Variants in UBR3 observed in about 807,000 individuals in gnomAD.
UBR3 encodes the protein ubiquitin protein ligase E3 component n-recognin 3.
UBR3 carries 85 observed loss-of-function variants against 243.2 expected under a neutral mutation model. The observed-to-expected ratio is 0.35, with a 90% CI of 0.29 to 0.42. UBR3 has a LOEUF of 0.42. Ranked by LOEUF, UBR3 falls within the 10% of genes least tolerant of loss-of-function variation. UBR3 has a pLI of 1.00. For synonymous variants in UBR3, 748 were observed against 799.8 expected (o/e 0.94, Z 1.09); for missense variants, 1,686 against 2,300.8 (o/e 0.73, Z 5.47).
chr2:169,913,359 T>TG (rs1290270455), intron 10 of UBR3, among the ~76,000 whole-genome samples: 1 of 113,138 alleles, frequency 8.8e-6, no homozygotes, highest in Non-Finnish European at 2.3e-5. Flanking sequence ...GTTTGTTTTT[T>TG]GTTTTTTTTT....
rs535929297 is a variant in UBR3 at position 169,948,561 on chromosome 2, C to T, written c.3084+846C>T. On this transcript the variant is annotated intron_variant, in intron 22 of 38. Transcript: ENST00000272793. Reference sequence around the variant, plus strand: ...TTTTCGTGAGTAGAGAACATTGAATCAGACATTTCTTCTAGTAGAGTCTAT... The same window carrying T: ...TTTTCGTGAGTAGAGAACATTGAATTAGACATTTCTTCTAGTAGAGTCTAT... Among the ~76,000 whole-genome samples, 7 of 152,138 alleles carry T rather than the reference C, an allele frequency of 4.6e-5. No homozygotes were observed. In the East Asian group the frequency reaches 1.4e-3, roughly 29 times the overall value.
At chr2:169,961,874 G>GT (rs34504571) in intron 24 of UBR3, among the ~76,000 whole-genome samples, 15,463 of 136,728 alleles carry the variant, frequency 0.11, 1,163 homozygotes, top group Admixed American at 0.17. Context: ...TTTTTCCCAT[G>GT]TTTTTTTTTT....
At chr2:169,923,736 C>T (rs2085795553) in intron 11 of UBR3, among the ~76,000 whole-genome samples, 193 bp from the exon 12 acceptor site, 1 of 152,132 alleles carries the variant, frequency 6.6e-6, no homozygotes, top group African/African-American at 2.4e-5. Flanking sequence ...CTTCAAGAAA[C>T]TTATACTTAA....
At chr2:169,842,061 C>T (rs2082312885) in intron 1 of UBR3, among the ~76,000 whole-genome samples, 1 of 152,178 alleles carries the variant, frequency 6.6e-6, no homozygotes, top group Admixed American at 6.5e-5. Flanking sequence ...CACCAATCAG[C>T]ACTCTGTGTT....
At chr2:170,059,502 T>A (rs768571083) in intron 33 of UBR3, among the ~76,000 whole-genome samples, 2 of 152,234 alleles carry the variant, frequency 1.3e-5, no homozygotes, top group Non-Finnish European at 2.9e-5. Context: ...TGAGTTTAGG[T>A]GAACTCTGCC....
chr2:169,959,355 TAATCTGAA>T (rs143357764), intron 24 of UBR3, among the ~76,000 whole-genome samples: 21,063 of 151,580 alleles, frequency 0.14, 1,952 homozygotes, highest in East Asian at 0.43. Context: ...TGAGCACCCC[TAATCTGAA>T]AATCTGAAAA....
At chr2:170,025,322 A>G (rs984862303) in intron 30 of UBR3, among the ~76,000 whole-genome samples, 5 of 152,124 alleles carry the variant, frequency 3.3e-5, no homozygotes, top group Admixed American at 2.0e-4. Context: ...GCATAAAGTA[A>G]GGGGATAATC....
intron 35 of UBR3, among the ~76,000 whole-genome samples, chr2:170,064,404 CAAAAATT>C (rs1362344783): frequency 2.0e-5 from 3 of 151,804 alleles, no homozygotes; most frequent in African/African-American, 4.8e-5. Context: ...TATGTACCCA[CAAAAATT>C]AAAAATTAAA....
chr2:169,882,277 A>T (rs2083908688), intron 5 of UBR3, among the ~76,000 whole-genome samples: 1 of 137,254 alleles, frequency 7.3e-6, no homozygotes, highest in Non-Finnish European at 1.5e-5. Flanking sequence ...TTTGTATATC[A>T]TATATTTATA....
intron 25 of UBR3, among the ~76,000 whole-genome samples, chr2:169,987,651 A>C (rs888804369): frequency 6.6e-6 from 1 of 151,868 alleles, no homozygotes; most frequent in African/African-American, 2.4e-5. Flanking sequence ...TCCATAATGA[A>C]GTATTTTTGA....
chr2:169,856,047 T>C (rs74466960), intron 1 of UBR3, among the ~76,000 whole-genome samples: 22,623 of 147,918 alleles, frequency 0.15, 2,110 homozygotes, highest in Non-Finnish European at 0.22. Context: ...GGGCGGCTGC[T>C]GGGCGGAGGG....
intron 3 of UBR3, among the ~76,000 whole-genome samples, chr2:169,876,341 A>G (rs2083609149): frequency 6.6e-6 from 1 of 152,104 alleles, no homozygotes; most frequent in African/African-American, 2.4e-5. Flanking sequence ...TGGCCTTCCG[A>G]AGTGCTGGGA....
intron 32 of UBR3, among the ~76,000 whole-genome samples, chr2:170,043,986 T>C (rs1265900080): frequency 6.6e-6 from 1 of 152,206 alleles, no homozygotes; most frequent in Non-Finnish European, 1.5e-5. Context: ...TTTTTAGTCT[T>C]TCACACTTTG....
chr2:170,014,349 T>C (rs1238533023), intron 29 of UBR3: 1 of 144,562 alleles, frequency 6.9e-6, no homozygotes. Context: ...AAACTGTTTT[T>C]TTTTCTTTTT....
At position 169,895,234 on chromosome 2, in the gene UBR3, T is replaced by C; in HGVS notation, c.1159T>C (p.Phe387Leu). ...KHKSFLEELL[F>L]WTIKYEFPQK... is the part of the protein sequence containing the mutation. ...TAAAAGCTTCCTAGAAGAACTATTA[T>C]TTTGGACTATAAAATATGAATTCCC... The change falls in exon 7 of 39, where the codon TTT (phenylalanine) becomes CTT (leucine). Residue 387 changes from phenylalanine (F) to leucine (L), a missense_variant. Around this residue, in one of 8 missense-constraint regions of UBR3, gnomAD observed 200 missense variants for 231.6 expected, o/e 0.86. Coordinates refer to ENST00000272793, the MANE Select transcript of UBR3 (RefSeq NM_172070.4). The C allele has an allele frequency of 6.5e-7, 1 of 1,543,384 alleles. No homozygotes were observed. Among genetic ancestry groups the C allele is most frequent in the Non-Finnish European group, 8.7e-7 (1 of 1,144,982 alleles).
In UBR3 at chr2:169,948,011, AT is replaced by A. The variant is rs949573284; in HGVS notation, c.3084+299del. 5.8e-5 allele frequency: 51 copies of A among 876,956 alleles called. 1 individual carries two copies. In the African/African-American group the frequency reaches 8.5e-4, roughly 15 times the overall value. 54.3% of individuals were successfully genotyped at this position (876,956 alleles called of 1,614,324 possible). The stretch of plus-strand genomic sequence containing the variant: ...AAATGGGGAAAAACCGCTTTGAAGT[AT>A]TTGTGTGTGTATGGGTGTTTAATTA... On this transcript the variant is annotated intron_variant, in intron 22 of 38. Transcript: ENST00000272793.
chr2:170,021,694 A>AAC (rs917975902), intron 30 of UBR3, among the ~76,000 whole-genome samples: 37 of 152,148 alleles, frequency 2.4e-4, no homozygotes, highest in Admixed American at 2.2e-3. Flanking sequence ...GGAGGACAGA[A>AAC]TGAGATTTAT....
Position 170,082,396 on chromosome 2 carries a change from G to C in UBR3, c.*553G>C, listed in dbSNP as rs192925385. On this transcript the variant is annotated 3_prime_UTR_variant, in exon 39 of 39. Transcript: ENST00000272793. ...CTTTAAAATTTTTTCTTATTGTGAGGAATCTGTTAAAAGTTTAAAGCTTTG... is the reference window on the plus strand; with the variant it reads ...CTTTAAAATTTTTTCTTATTGTGAGCAATCTGTTAAAAGTTTAAAGCTTTG... 8 of 152,624 alleles carry C rather than the reference G, an allele frequency of 5.2e-5. No individual in the cohort carries two copies. Among genetic ancestry groups the C allele is most frequent in the Admixed American group, 5.2e-4 (8 of 15,278 alleles). The allele number at this position is 152,624 out of a possible 1,614,324, so 9.5% of individuals were successfully genotyped here. A position where few individuals can be genotyped will look rare whatever the true frequency, so the allele number is the denominator to read the frequency against.
intron 26 of UBR3, among the ~76,000 whole-genome samples, chr2:169,996,698 T>G (rs1487146339): frequency 1.4e-5 from 2 of 146,418 alleles, no homozygotes; most frequent in Non-Finnish European, 3.0e-5. Context: ...CTTTTGTTTT[T>G]TTTTTTTTTT....
Sources: gnomAD v4.1 joint callset for allele counts (sites outside exome capture counted in the v4.1 genomes callset) on GRCh38, gnomAD v4.1.1 for gene constraint, gnomAD v4.1.1 regional missense constraint, MANE v1.5 for transcripts, NCBI Gene and HGNC (gene_info 2026-07-23, HGNC 2026-07-21) for gene names.